Variants in DHX9 observed in about 807,000 individuals in gnomAD.
DHX9 encodes DExH-box helicase 9, also known as ATP-dependent RNA helicase A.
In DHX9, 27 loss-of-function variants were observed where a neutral mutation model predicts 148.7. The ratio of observed to expected loss-of-function variants is 0.18; its 90% CI spans 0.13 to 0.25. The LOEUF is 0.25. Among genes scored for constraint, DHX9 ranks in the 10% least tolerant of loss-of-function variants. DHX9 has a pLI of 1.00. For missense variants in DHX9, 796 were observed against 1,559.6 expected, an observed-to-expected ratio of 0.51 and a Z score of 8.25; for synonymous variants, 529 against 516.6, an observed-to-expected ratio of 1.02 and a Z score of -0.33.
At chr1:182,845,872 G>T (rs1038657211) in intron 3 of DHX9, among the ~76,000 whole-genome samples, 2 of 152,200 alleles carry the variant, frequency 1.3e-5, no homozygotes, top group African/African-American at 4.8e-5. Context: ...GCAGCAGGGA[G>T]CTCCCATGCC....
chr1:182,843,496 G>GT, intron 3 of DHX9, 62 bp downstream of exon 3: 7 of 1,364,608 alleles, frequency 5.1e-6, no homozygotes, highest in Middle Eastern at 1.9e-4. Context: ...CTCAATATGC[G>GT]TAAGAGACTC....
chr1:182,884,928 A>C (rs1417277292), intron 27 of DHX9, 115 bp downstream of exon 27: 5 of 887,114 alleles, frequency 5.6e-6, no homozygotes, highest in Non-Finnish European at 8.9e-6. Flanking sequence ...TTCTAGATAT[A>C]GATAGAGCTA....
intron 16 of DHX9, chr1:182,875,327 G>A (rs570165290): frequency 2.5e-6 from 1 of 395,084 alleles, no homozygotes; most frequent in Non-Finnish European, 5.0e-6. Context: ...CCCCACCCTA[G>A]ATCTACTGAG....
intron 4 of DHX9, 23 bp downstream of exon 4, chr1:182,852,367 C>T (rs765831420): frequency 2.3e-5 from 34 of 1,506,324 alleles, no homozygotes; most frequent in Admixed American, 1.8e-4. Flanking sequence ...AATCCATGCA[C>T]GTGGTGGAGA....
rs1222378458 is a variant in DHX9 at position 182,876,096 on chromosome 1, G to A, written c.1862G>A (p.Arg621Lys). 1 of 1,613,942 alleles carries A rather than the reference G, an allele frequency of 6.2e-7. No individual in the cohort carries two copies. Among genetic ancestry groups the A allele is most frequent in the East Asian group, 2.2e-5 (1 of 44,872 alleles). The stretch of plus-strand genomic sequence containing the variant: ...GGTGATGAATATGGTCCAGAAACAA[G>A]GTTGAGCATGTCTCAATTGAACGAA... ...ICGDEYGPET[R>K]LSMSQLNEKE... Residue 621 changes from arginine to lysine, a missense_variant, in exon 17 of 28, where the codon AGG (arginine) becomes AAG (lysine). Arg to Lys is a conservative substitution (Grantham distance 26, BLOSUM62 2). Coordinates refer to ENST00000367549, the MANE Select transcript of DHX9 (RefSeq NM_001357.5).
At chr1:182,858,346 A>G in intron 8 of DHX9, 106 bp downstream of exon 8, 5 of 1,339,302 alleles carry the variant, frequency 3.7e-6, no homozygotes, top group East Asian at 2.3e-5. Flanking sequence ...TACCTCAGGA[A>G]ATGAAAATGG....
intron 14 of DHX9, among the ~76,000 whole-genome samples, chr1:182,868,879 G>A (rs2102609479): frequency 6.6e-6 from 1 of 152,168 alleles, no homozygotes; most frequent in South Asian, 2.1e-4. Flanking sequence ...GGTTTGGATG[G>A]CTTATGATGA....
chr1:182,877,911 A>G (rs973085874), intron 19 of DHX9, 110 bp from the exon 20 acceptor site: 4 of 1,209,660 alleles, frequency 3.3e-6, no homozygotes, highest in Admixed American at 2.3e-5. Flanking sequence ...AGACATCACA[A>G]GTAGGTATGG....
chr1:182,881,122 G>A, intron 22 of DHX9, 142 bp from the exon 23 acceptor site: 2 of 778,802 alleles, frequency 2.6e-6, no homozygotes. Context: ...CAGCTATAAA[G>A]TTCTTTGTTA....
chr1:182,844,472 T>G (rs1667990008), intron 3 of DHX9, among the ~76,000 whole-genome samples: 2 of 152,224 alleles, frequency 1.3e-5, no homozygotes. Flanking sequence ...TCTTCCCCAG[T>G]AGCTGGGACT....
At chr1:182,858,920 C>T (rs1668305024) in intron 10 of DHX9, 26 bp downstream of exon 10, 2 of 1,612,824 alleles carry the variant, frequency 1.2e-6, no homozygotes, top group African/African-American at 1.3e-5. Flanking sequence ...TTTTTGAGAT[C>T]AGAGTCTTGT....
intron 12 of DHX9, among the ~76,000 whole-genome samples, chr1:182,862,268 T>C (rs994924267): frequency 3.9e-5 from 6 of 152,190 alleles, no homozygotes; most frequent in African/African-American, 1.2e-4. Flanking sequence ...TTTAGAGTTA[T>C]GGACTGGCGT....
chr1:182,867,131 G>T, intron 14 of DHX9, 88 bp downstream of exon 14: 3 of 777,490 alleles, frequency 3.9e-6, no homozygotes, highest in Non-Finnish European at 5.8e-6. Flanking sequence ...CCTTTCCCCC[G>T]TTTTTATCAT....
chr1:182,864,766 G>C (rs539260596), intron 12 of DHX9, among the ~76,000 whole-genome samples: 1 of 152,260 alleles, frequency 6.6e-6, no homozygotes, highest in African/African-American at 2.4e-5. Context: ...AAGTGCTTCT[G>C]ATCATGGTTT....
chr1:182,869,254 G>A (rs1258770351), intron 14 of DHX9, among the ~76,000 whole-genome samples: 2 of 152,134 alleles, frequency 1.3e-5, no homozygotes, highest in African/African-American at 4.8e-5. Context: ...GTATTGTTTG[G>A]TCCAGTCTTC....
intron 2 of DHX9, 54 bp downstream of exon 2, chr1:182,842,731 TAAAAG>T (rs1405506767): frequency 4.9e-6 from 7 of 1,431,218 alleles, no homozygotes; most frequent in South Asian, 1.3e-5. Flanking sequence ...ATTTTGGGGT[TAAAAG>T]AAAAATGTTT....
At chr1:182,866,865 A>G in intron 13 of DHX9, 96 bp from the exon 14 acceptor site, 1 of 954,294 alleles carries the variant, frequency 1.0e-6, no homozygotes, top group Non-Finnish European at 1.6e-6. Flanking sequence ...ATTTTCTAAA[A>G]TGATGCTGGG....
intron 14 of DHX9, among the ~76,000 whole-genome samples, chr1:182,868,803 A>T (rs1262005665): frequency 6.6e-6 from 1 of 152,078 alleles, no homozygotes; most frequent in Non-Finnish European, 1.5e-5. Context: ...TTCTCCTCTT[A>T]CTTTTATATC....
chr1:182,840,011 G>A, intron 1 of DHX9: 1 of 152,528 alleles, frequency 6.6e-6, no homozygotes, highest in Non-Finnish European at 1.5e-5. Flanking sequence ...GCCTGCAGAA[G>A]CGGAAGGGAT....
Sources: allele counts gnomAD v4.1 joint callset (sites outside exome capture counted in the v4.1 genomes callset), GRCh38; gene constraint gnomAD v4.1.1; transcripts MANE v1.5; gene names NCBI Gene and HGNC (gene_info 2026-07-23, HGNC 2026-07-21).